The following RGS7 variants were observed in gnomAD, a reference collection of about 807,000 sequenced individuals.
The protein encoded by RGS7 is regulator of G-protein signaling 7.
RGS7 carries 27 observed loss-of-function variants against 81.1 expected under a neutral mutation model. That is an observed-to-expected ratio of 0.33 (90% CI 0.25 to 0.46). The LOEUF is 0.46. Among genes scored for constraint, RGS7 ranks in the 20% least tolerant of loss-of-function variants. The pLI is 1.00. For missense variants in RGS7, 396 were observed against 607.4 expected, an observed-to-expected ratio of 0.65 and a Z score of 3.66; for synonymous variants, 208 against 207.7, an observed-to-expected ratio of 1.00 and a Z score of -0.01.
chr1:240,784,301 A>G (rs1316482066), intron 18 of RGS7, among the ~76,000 whole-genome samples: 1 of 152,178 alleles, frequency 6.6e-6, no homozygotes, highest in Non-Finnish European at 1.5e-5. Flanking sequence ...AAGGGTGGCT[A>G]TGAAACAGAT....
At chr1:241,297,444 T>G (rs1399827120) in intron 2 of RGS7, among the ~76,000 whole-genome samples, 1 of 152,224 alleles carries the variant, frequency 6.6e-6, no homozygotes, top group East Asian at 1.9e-4. Flanking sequence ...CCAGATTGGA[T>G]GCAGCTTTGA....
At chr1:241,197,000 A>G (rs1212233120) in intron 2 of RGS7, among the ~76,000 whole-genome samples, 1 of 151,272 alleles carries the variant, frequency 6.6e-6, no homozygotes, top group Non-Finnish European at 1.5e-5. Flanking sequence ...GTAAAAAAAA[A>G]AAAAAAAGAA....
chr1:240,932,512 A>ATTTTT lies in RGS7; in HGVS notation c.334-1745_334-1744insAAAAA, dbSNP rs1388590625. The stretch of plus-strand genomic sequence containing the variant: ...AAACTTTGCTTTCATGTAGGGTGTC[A>ATTTTT]CTTTTTTTTTTTTTGAGACAGGGTC... On this transcript the variant is annotated intron_variant, in intron 5 of 18. Coordinates refer to ENST00000440928, the MANE Select transcript of RGS7 (RefSeq NM_001364886.1). Among the ~76,000 whole-genome samples the ATTTTT allele has an allele frequency of 2.5e-4, 4 of 16,096 alleles. 1 individual carries two copies. Among genetic ancestry groups the ATTTTT allele is most frequent in the Non-Finnish European group, 4.2e-4 (4 of 9,480 alleles). 10.6% of individuals were successfully genotyped at this position (16,096 alleles called of 152,430 possible). A position where few individuals can be genotyped will look rare whatever the true frequency, so the allele number is the denominator to read the frequency against.
chr1:240,852,218 G>A (rs2147935003), intron 9 of RGS7, among the ~76,000 whole-genome samples: 1 of 152,278 alleles, frequency 6.6e-6, no homozygotes, highest in Non-Finnish European at 1.5e-5. Context: ...TCAGTCAGCA[G>A]CTATCAGCAC....
At chr1:241,183,308 G>A (rs2071799813) in intron 2 of RGS7, among the ~76,000 whole-genome samples, 1 of 152,172 alleles carries the variant, frequency 6.6e-6, no homozygotes, top group African/African-American at 2.4e-5. Flanking sequence ...GCCTATCTAT[G>A]GCACTCAATT....
At chr1:241,226,969 G>A (rs372521339) in intron 2 of RGS7, among the ~76,000 whole-genome samples, 9 of 151,712 alleles carry the variant, frequency 5.9e-5, no homozygotes, top group Non-Finnish European at 1.2e-4. Flanking sequence ...TTACTTATTC[G>A]GACCTTAAAA....
intron 6 of RGS7, among the ~76,000 whole-genome samples, chr1:240,888,510 G>A (rs1018820413): frequency 1.3e-5 from 2 of 152,132 alleles, no homozygotes; most frequent in African/African-American, 2.4e-5. Flanking sequence ...GGCGATGAAC[G>A]CAGTTGGCTA....
chr1:241,246,406 A>G (rs2076547401), intron 2 of RGS7, among the ~76,000 whole-genome samples: 1 of 152,218 alleles, frequency 6.6e-6, no homozygotes, highest in South Asian at 2.1e-4. Context: ...TCCTGGGACC[A>G]GACCATGTCC....
intron 9 of RGS7, among the ~76,000 whole-genome samples, chr1:240,843,832 C>A (rs1213790291): frequency 6.6e-6 from 1 of 152,056 alleles, no homozygotes. Flanking sequence ...GGGAAGACAG[C>A]CTATCTTTTC....
chr1:241,318,460 C>CT (rs773114304), intron 2 of RGS7, among the ~76,000 whole-genome samples: 3,702 of 146,242 alleles, frequency 0.025, 63 homozygotes, highest in South Asian at 0.042. Context: ...TTTCTTTTTT[C>CT]TTTTTTTTTT....
At chr1:241,078,501 G>GTGTGTGTGTGTGTGTGTGTGTA (rs1553411237) in intron 3 of RGS7, among the ~76,000 whole-genome samples, 6 of 151,278 alleles carry the variant, frequency 4.0e-5, no homozygotes, top group Non-Finnish European at 7.4e-5. Context: ...GTGTGTGTGT[G>GTGTGTGTGTGTGTGTGTGTGTA]TATATACACA....
chr1:241,178,451 T>C (rs1029152485), intron 2 of RGS7, among the ~76,000 whole-genome samples: 1 of 152,054 alleles, frequency 6.6e-6, no homozygotes, highest in Non-Finnish European at 1.5e-5. Flanking sequence ...AGATTAAACA[T>C]AGAGAAACAA....
chr1:240,875,182 A>C (rs1665173249), intron 6 of RGS7, among the ~76,000 whole-genome samples: 1 of 152,132 alleles, frequency 6.6e-6, no homozygotes, highest in Admixed American at 6.5e-5. Context: ...TCTTTAACCA[A>C]TATCTGCCCC....
chr1:240,901,514 C>T lies in RGS7; in HGVS notation c.385+29203G>A, dbSNP rs568440608. ...TACCACACCACGTATTCCAAGGGCTCGAAAGCCTGAACCCAGTTTTTATGT... is the reference window on the plus strand; with the variant it reads ...TACCACACCACGTATTCCAAGGGCTTGAAAGCCTGAACCCAGTTTTTATGT... On this transcript the variant is annotated intron_variant, in intron 6 of 18. Transcript: ENST00000440928. Among the ~76,000 whole-genome samples, 5 of 152,322 alleles carry T rather than the reference C, an allele frequency of 3.3e-5. No homozygotes were observed. In the South Asian group the frequency reaches 6.2e-4, roughly 19 times the overall value.
intron 3 of RGS7, among the ~76,000 whole-genome samples, chr1:241,024,551 T>A (rs555443503): frequency 6.6e-6 from 1 of 152,172 alleles, no homozygotes; most frequent in African/African-American, 2.4e-5. Flanking sequence ...TATATTATTA[T>A]TAAGGGCAAG....
At chr1:240,918,203 G>GA (rs1291354992) in intron 6 of RGS7, among the ~76,000 whole-genome samples, 1 of 152,104 alleles carries the variant, frequency 6.6e-6, no homozygotes, top group Non-Finnish European at 1.5e-5. Flanking sequence ...CTAGCAGGCA[G>GA]AAAATCAGGA....
intron 4 of RGS7, among the ~76,000 whole-genome samples, chr1:240,938,537 T>C (rs1049302590): frequency 3.9e-5 from 6 of 152,204 alleles, no homozygotes; most frequent in African/African-American, 1.4e-4. Context: ...AAATAAACAA[T>C]TTGTTGTTAA....
At chr1:241,337,891 A>G (rs555069575) in intron 2 of RGS7, among the ~76,000 whole-genome samples, 2 of 152,328 alleles carry the variant, frequency 1.3e-5, no homozygotes, top group South Asian at 2.1e-4. Flanking sequence ...ACATGTTCTT[A>G]TAATTGTGCT....
At chr1:241,037,658 T>C (rs557527569) in intron 3 of RGS7, among the ~76,000 whole-genome samples, 2 of 149,970 alleles carry the variant, frequency 1.3e-5, no homozygotes, top group African/African-American at 4.9e-5. Flanking sequence ...GACGTGGAGG[T>C]TGCAGTGAGC....
Sources: gnomAD v4.1 joint callset for allele counts (sites outside exome capture counted in the v4.1 genomes callset) on GRCh38, gnomAD v4.1.1 for gene constraint, MANE v1.5 for transcripts, NCBI Gene and HGNC (gene_info 2026-07-23, HGNC 2026-07-21) for gene names.